Variants in UPP2 observed in about 807,000 individuals in gnomAD.
UPP2 encodes uridine phosphorylase 2.
In UPP2, 23 loss-of-function variants were observed where a neutral mutation model predicts 26.7. That is an observed-to-expected ratio of 0.86 (90% CI 0.62 to 1.22). UPP2 has a LOEUF of 1.22. Ranked by LOEUF, UPP2 falls within the 50% of genes most tolerant of loss-of-function variation. The pLI, the probability that UPP2 is intolerant of heterozygous loss-of-function variation, is 0.00. For synonymous variants in UPP2, 127 were observed against 141.3 expected, an observed-to-expected ratio of 0.90 and a Z score of 0.72; for missense variants, 387 against 396.7, an observed-to-expected ratio of 0.98 and a Z score of 0.21.
chr2:157,996,032 CTGTT>C (rs1683320158), intron 2 of UPP2, among the ~76,000 whole-genome samples: 2 of 152,304 alleles, frequency 1.3e-5, no homozygotes, highest in Admixed American at 1.3e-4. Context: ...GTGGGAATGC[CTGTT>C]TGCATAAACC....
chr2:158,124,269 G>C (rs901020912), intron 6 of UPP2, among the ~76,000 whole-genome samples: 2 of 152,172 alleles, frequency 1.3e-5, no homozygotes, highest in African/African-American at 4.8e-5. Flanking sequence ...AGCATGGTCA[G>C]GGAAGGATGG....
rs1475432508 is a variant in UPP2, at chr2:158,033,170, C to G, written c.147+17284C>G. Among the ~76,000 whole-genome samples, 3 of 152,082 alleles carry G rather than the reference C, an allele frequency of 2.0e-5. No individual in the cohort carries two copies. In the East Asian group the frequency reaches 5.8e-4, roughly 29 times the overall value. ...CATACTGAAGATGGGAGGGGGGCCC[C>G]AAAGGTGGAGGACCTTTGAGCATGG... On this transcript the variant is annotated intron_variant, in intron 3 of 9. Transcript: ENST00000605860.
chr2:158,011,790 C>T (rs980084155), intron 2 of UPP2, among the ~76,000 whole-genome samples: 5 of 152,168 alleles, frequency 3.3e-5, no homozygotes, highest in Non-Finnish European at 7.3e-5. Context: ...GCACATCACT[C>T]AACAAATATT....
rs1558910413 is a variant in UPP2 at position 158,036,272 on chromosome 2, C to CT, written c.147+20394dup. On this transcript the variant is annotated intron_variant, in intron 3 of 9. Coordinates refer to the UPP2 transcript ENST00000605860. ...GTTATATTTTATGTTTCACAAGTTT[C>CT]TTTTTTTTAAGGTATAATTTCAAAG... Among the ~76,000 whole-genome samples, 6 of 152,098 alleles carry CT rather than the reference C, an allele frequency of 3.9e-5. No individual in the cohort carries two copies. The South Asian group carries it at 1.0e-3, about 26-fold the overall frequency.
intron 3 of UPP2, among the ~76,000 whole-genome samples, chr2:158,051,196 T>C: frequency 6.7e-6 from 1 of 149,022 alleles, no homozygotes; most frequent in South Asian, 2.1e-4. Flanking sequence ...TGTGTGTGTG[T>C]GTATGTGTGT....
chr2:158,111,017 T>C (rs1683308222), intron 2 of UPP2, among the ~76,000 whole-genome samples: 1 of 152,218 alleles, frequency 6.6e-6, no homozygotes, highest in Non-Finnish European at 1.5e-5. Context: ...TTTAATTAGA[T>C]CGCATTTGTC....
chr2:158,046,903 A>T (rs1291379610), intron 3 of UPP2, among the ~76,000 whole-genome samples: 2 of 152,190 alleles, frequency 1.3e-5, no homozygotes, highest in Non-Finnish European at 2.9e-5. Context: ...CTCAGATATT[A>T]TAGTTAATAA....
intron 6 of UPP2, chr2:158,126,436 T>A (rs1447929705): frequency 1.3e-5 from 2 of 152,230 alleles, no homozygotes; most frequent in African/African-American, 4.8e-5. Context: ...GGAGTATTTC[T>A]ATCTGAATGT....
chr2:158,105,963 C>T (rs1683184134), intron 1 of UPP2, 136 bp from the exon 2 acceptor site: 2 of 654,486 alleles, frequency 3.1e-6, no homozygotes, highest in East Asian at 5.7e-5. Flanking sequence ...CAAATATTAG[C>T]CATAATTACT....
At chr2:158,069,656 C>T (rs1433947830) in intron 3 of UPP2, among the ~76,000 whole-genome samples, 1 of 152,218 alleles carries the variant, frequency 6.6e-6, no homozygotes, top group Admixed American at 6.5e-5. Context: ...CTCTCCCTGA[C>T]ACCCTAGAGC....
chr2:158,074,833 T>G (rs1682605256), intron 3 of UPP2, among the ~76,000 whole-genome samples: 1 of 151,490 alleles, frequency 6.6e-6, no homozygotes, highest in Non-Finnish European at 1.5e-5. Flanking sequence ...GAGAGAATTT[T>G]TTTTTTTTTT....
intron 3 of UPP2, among the ~76,000 whole-genome samples, chr2:158,085,901 A>C (rs1377158406): frequency 6.6e-6 from 1 of 151,850 alleles, no homozygotes; most frequent in Non-Finnish European, 1.5e-5. Flanking sequence ...GATTCAGTTA[A>C]TCTAGTATTT....
chr2:158,082,242 AC>A (rs1682739216), intron 3 of UPP2, among the ~76,000 whole-genome samples: 1 of 152,066 alleles, frequency 6.6e-6, no homozygotes, highest in African/African-American at 2.4e-5. Flanking sequence ...GAGCCATTAT[AC>A]CTGGTCTGGT....
intron 3 of UPP2, among the ~76,000 whole-genome samples, chr2:158,023,082 C>T (rs375934221): frequency 7.0e-5 from 9 of 128,876 alleles, no homozygotes; most frequent in African/African-American, 2.7e-4. Flanking sequence ...AATGCTAGAG[C>T]AGGAAGTGGG....
intron 3 of UPP2, among the ~76,000 whole-genome samples, chr2:158,048,853 G>A (rs893482983): frequency 1.3e-4 from 20 of 152,286 alleles, no homozygotes; most frequent in African/African-American, 4.8e-4. Context: ...GGGCTAGAGG[G>A]GTGTTTAGAC....
At chr2:158,054,651 G>T (rs979257963) in intron 3 of UPP2, among the ~76,000 whole-genome samples, 1 of 152,096 alleles carries the variant, frequency 6.6e-6, no homozygotes, top group African/African-American at 2.4e-5. Flanking sequence ...GACTAGTTTT[G>T]CAGCTTTTTC....
At position 158,135,039 on chromosome 2, in the gene UPP2, G is replaced by T. The variant is rs1683903394; in HGVS notation, c.*149G>T. 2.1e-6 allele frequency: 2 copies of T among 946,568 alleles called. No individual in the cohort carries two copies. Among genetic ancestry groups the T allele is most frequent in the Admixed American group, 7.9e-5 (2 of 25,282 alleles). The allele number at this position is 946,568 out of a possible 1,614,324, so 58.6% of individuals were successfully genotyped here. ...TATGAAATCCTTCTCTCTTAAAAAG[G>T]AATTTATTGTAAAAGAATACTCACA... On this transcript the variant is annotated 3_prime_UTR_variant, in exon 7 of 7. Coordinates refer to ENST00000005756, the MANE Select transcript of UPP2 (RefSeq NM_173355.4).
intron 3 of UPP2, among the ~76,000 whole-genome samples, chr2:158,051,088 T>C (rs190172432): frequency 5.9e-5 from 9 of 151,770 alleles, no homozygotes; most frequent in African/African-American, 1.7e-4. Context: ...ATAAACATTA[T>C]ATAAATAAAT....
At position 158,134,978 on chromosome 2, in the gene UPP2, A is replaced by T; in HGVS notation, c.*88A>T. 1 of 1,456,236 alleles carries T rather than the reference A, an allele frequency of 6.9e-7. No individual in the cohort carries two copies. Among genetic ancestry groups the T allele is most frequent in the Non-Finnish European group, 9.2e-7 (1 of 1,091,526 alleles). 90.2% of individuals were successfully genotyped at this position (1,456,236 alleles called of 1,614,324 possible). ...GTCATATTTTATTTGTGGCATTTTT[A>T]TATAGTTCTCATCCACATGCTAAAT... On this transcript the variant is annotated 3_prime_UTR_variant, in exon 7 of 7. Transcript: ENST00000005756.
Sources: gnomAD v4.1 joint callset for allele counts (sites outside exome capture counted in the v4.1 genomes callset) on GRCh38, gnomAD v4.1.1 for gene constraint, MANE v1.5 for transcripts, NCBI Gene and HGNC (gene_info 2026-07-23, HGNC 2026-07-21) for gene names.